Variants in BHMT2 observed in about 807,000 individuals in gnomAD.
BHMT2 encodes S-methylmethionine--homocysteine S-methyltransferase BHMT2.
BHMT2 carries 28 observed loss-of-function variants against 39.0 expected under a neutral mutation model. That is an observed-to-expected ratio of 0.72 (90% CI 0.53 to 0.98). BHMT2 has a LOEUF of 0.98. Among genes scored for constraint, BHMT2 ranks in the 50% least tolerant of loss-of-function variants. The pLI, the probability that BHMT2 is intolerant of heterozygous loss-of-function variation, is 0.00. For missense variants in BHMT2, 410 were observed against 455.6 expected (o/e 0.90, Z 0.91); for synonymous variants, 145 against 160.6 (o/e 0.90, Z 0.74).
chr5:79,085,587 A>T (rs1159877291), intron 7 of BHMT2, among the ~76,000 whole-genome samples: 1 of 152,220 alleles, frequency 6.6e-6, no homozygotes, highest in African/African-American at 2.4e-5. Flanking sequence ...AGGCTGAGGC[A>T]GGAGAATCGC....
chr5:79,087,014 G>GTGTA (rs1329456863), intron 7 of BHMT2, among the ~76,000 whole-genome samples: 22 of 118,324 alleles, frequency 1.9e-4, no homozygotes, highest in African/African-American at 7.0e-4. Flanking sequence ...GTGTGTGTGT[G>GTGTA]TATATATATA....
At chr5:79,077,933 AACACACAT>A (rs1755707019) in intron 2 of BHMT2, 1 of 197,658 alleles carries the variant, frequency 5.1e-6, no homozygotes. Flanking sequence ...ATACACCACA[AACACACAT>A]ACACACCCAC....
chr5:79,088,590 A>G lies in BHMT2; in HGVS notation c.*16A>G. The G allele has an allele frequency of 6.2e-7, 1 of 1,610,710 alleles. No individual in the cohort carries two copies. The highest frequency in any genetic ancestry group is 2.2e-5 in the East Asian group (1 of 44,830). Reference sequence around the variant, plus strand: ...AGACTTCTAAGGAGTAGTGAAAGAAAACCCTGAAATAATCGAACAGGAAAA... The same window carrying G: ...AGACTTCTAAGGAGTAGTGAAAGAAGACCCTGAAATAATCGAACAGGAAAA... On this transcript the variant is annotated 3_prime_UTR_variant, in exon 8 of 8. Transcript: ENST00000255192.
At chr5:79,082,069 TTC>T (rs1389846374) in intron 4 of BHMT2, among the ~76,000 whole-genome samples, 1 of 152,210 alleles carries the variant, frequency 6.6e-6, no homozygotes, top group Non-Finnish European at 1.5e-5. Flanking sequence ...CGTCTTTTGA[TTC>T]TCTCATAATT....
In BHMT2 at chr5:79,083,274, G is replaced by C; in HGVS notation, c.681G>C (p.Glu227Asp). The C allele has an allele frequency of 6.2e-7, 1 of 1,614,196 alleles. No homozygotes were observed. Among genetic ancestry groups the C allele is most frequent in the South Asian group, 1.1e-5 (1 of 91,080 alleles). ...TGGAGCTCATGAAGGAGGGTCTTGAGTGGGCAGGGCTGAAAGCGCACCTCA... is the reference window on the plus strand; with the variant it reads ...TGGAGCTCATGAAGGAGGGTCTTGACTGGGCAGGGCTGAAAGCGCACCTCA... The part of the protein sequence containing the change: ...KTMELMKEGL[E>D]WAGLKAHLMV... The change falls in exon 6 of 8, where the codon GAG becomes GAC. Residue 227 changes from glutamate (E) to aspartate (D), a missense_variant. Transcript: ENST00000255192.
Position 79,083,378 on chromosome 5 carries a change from AGCTCAGGT to A in BHMT2, c.781+7_781+14del. The A allele has an allele frequency of 6.3e-7, 1 of 1,588,946 alleles. No individual in the cohort carries two copies. The highest frequency in any genetic ancestry group is 8.6e-7 in the Non-Finnish European group (1 of 1,167,870). Reference sequence around the variant, plus strand: ...GATCTCCCAGAATATCCCTTTGGTAAGCTCAGGTGCATAGTAGAGGTCCTTGTATTTCT... The same window carrying A: ...GATCTCCCAGAATATCCCTTTGGTAAGCATAGTAGAGGTCCTTGTATTTCT... On this transcript the variant is annotated splice_donor_5th_base_variant and intron_variant, in intron 6 of 7. Transcript: ENST00000255192.
At chr5:79,075,930 T>A (rs1755663386) in intron 1 of BHMT2, among the ~76,000 whole-genome samples, 1 of 152,076 alleles carries the variant, frequency 6.6e-6, no homozygotes, top group African/African-American at 2.4e-5. Flanking sequence ...CCCCAGTGGG[T>A]GTGTGTTACA....
chr5:79,079,288 A>T, intron 2 of BHMT2, 81 bp from the exon 3 acceptor site: 1 of 1,015,694 alleles, frequency 9.8e-7, no homozygotes, highest in Non-Finnish European at 1.5e-6. Context: ...TCAGTGAGCT[A>T]CTGCTGCTTT....
chr5:79,076,769 G>A (rs963312421), intron 1 of BHMT2, among the ~76,000 whole-genome samples: 2 of 152,170 alleles, frequency 1.3e-5, no homozygotes, highest in South Asian at 2.1e-4. Context: ...ACTACAAAGC[G>A]TTGTGTCCAC....
chr5:79,075,998 C>T (rs755922679), intron 1 of BHMT2, among the ~76,000 whole-genome samples: 1 of 152,188 alleles, frequency 6.6e-6, no homozygotes, highest in Non-Finnish European at 1.5e-5. Flanking sequence ...CTCAATTAGA[C>T]CCTCCGCCTT....
chr5:79,081,289 C>T (rs551802692), intron 4 of BHMT2, among the ~76,000 whole-genome samples: 2 of 152,266 alleles, frequency 1.3e-5, no homozygotes, highest in Admixed American at 1.3e-4. Context: ...TATCCAGGCT[C>T]GTCTAGGCCC....
chr5:79,074,985 T>C (rs1254958366), intron 1 of BHMT2, among the ~76,000 whole-genome samples: 3 of 152,128 alleles, frequency 2.0e-5, no homozygotes, highest in Admixed American at 1.3e-4. Flanking sequence ...GACAGTACCC[T>C]AGGGCTGGGT....
intron 1 of BHMT2, among the ~76,000 whole-genome samples, chr5:79,074,940 C>T (rs563536639): frequency 7.2e-5 from 11 of 152,286 alleles, no homozygotes; most frequent in South Asian, 2.1e-4. Flanking sequence ...AGAGTATGAA[C>T]GTGACTCTGA....
intron 2 of BHMT2, among the ~76,000 whole-genome samples, chr5:79,079,119 A>T (rs1273182700): frequency 6.6e-6 from 1 of 152,176 alleles, no homozygotes; most frequent in Non-Finnish European, 1.5e-5. Context: ...TCAGGCCTTA[A>T]TCTCTGCATG....
chr5:79,076,619 T>C (rs1755677494), intron 1 of BHMT2, among the ~76,000 whole-genome samples: 1 of 152,192 alleles, frequency 6.6e-6, no homozygotes, highest in South Asian at 2.1e-4. Flanking sequence ...TTTACTTACT[T>C]AGCTCTGTGA....
intron 7 of BHMT2, among the ~76,000 whole-genome samples, chr5:79,086,362 G>C (rs1339829025): frequency 6.6e-6 from 1 of 152,020 alleles, no homozygotes; most frequent in African/African-American, 2.4e-5. Context: ...ATTTTCCAGG[G>C]GACAGTCAAA....
rs1243977604 is a variant in BHMT2, at chr5:79,083,715, G to A, written c.869G>A (p.Cys290Tyr). The change falls in exon 7 of 8, where the codon TGC becomes TAC. Residue 290 changes from cysteine (C) to tyrosine (Y), a missense_variant. Cys to Tyr is a radical substitution (Grantham distance 194, BLOSUM62 -2). Coordinates refer to ENST00000255192, the MANE Select transcript of BHMT2 (RefSeq NM_017614.5). ...CTGGGGGTCAGGTACATTGGCGGGT[G>A]CTGTGGATTTGAGCCCTACCACATC... is the stretch of plus-strand genomic sequence containing the variant. ...YNLGVRYIGG[C>Y]CGFEPYHIRA... is the part of the protein sequence containing the mutation. 4 of 1,613,938 alleles carry A rather than the reference G, an allele frequency of 2.5e-6. No individual in the cohort carries two copies. The highest frequency in any genetic ancestry group is 2.7e-5 in the African/African-American group (2 of 74,906).
chr5:79,080,898 A>G lies in BHMT2; in HGVS notation c.450+20A>G. ...GCAGAGGTGAGGCTAGTATTGGAGG[A>G]AAAGGATTGAACCTATTTTGCAAGC... On this transcript the variant is annotated intron_variant, in intron 4 of 7. Transcript: ENST00000255192. 6.5e-7 allele frequency: 1 copy of G among 1,544,106 alleles called. No individual in the cohort carries two copies. The highest frequency in any genetic ancestry group is 1.4e-5 in the African/African-American group (1 of 71,704).
chr5:79,070,344 A>T (rs778756533), intron 1 of BHMT2, among the ~76,000 whole-genome samples: 3 of 152,062 alleles, frequency 2.0e-5, no homozygotes, highest in Non-Finnish European at 4.4e-5. Flanking sequence ...GGACGCCCCC[A>T]GAGCTGCGGT....
Sources: gnomAD v4.1 joint callset for allele counts (sites outside exome capture counted in the v4.1 genomes callset) on GRCh38, gnomAD v4.1.1 for gene constraint, MANE v1.5 for transcripts, NCBI Gene and HGNC (gene_info 2026-07-23, HGNC 2026-07-21) for gene names.